Variants in TEX36 observed in about 807,000 individuals in gnomAD.
TEX36 encodes testis expressed 36, also known as testis-expressed protein 36.
Under a neutral mutation model 13.6 loss-of-function variants are expected in TEX36, and 12 were observed. The observed-to-expected ratio is 0.88, with a 90% CI of 0.56 to 1.43. The LOEUF (loss-of-function observed/expected upper bound fraction) is 1.43. TEX36 is among the 40% of genes most tolerant of loss of function. The pLI, the probability that TEX36 is intolerant of heterozygous loss-of-function variation, is 0.00. For synonymous variants in TEX36, 93 were observed against 83.0 expected (o/e 1.12, Z -0.65); for missense variants, 224 against 228.3 (o/e 0.98, Z 0.12).
chr10:125,646,231 G>C (rs986272173), intron 3 of TEX36, among the ~76,000 whole-genome samples: 8 of 152,048 alleles, frequency 5.3e-5, no homozygotes, highest in African/African-American at 1.9e-4. Context: ...GAGGCTGAGC[G>C]GGGAGGATCA....
At chr10:125,673,001 A>C (rs1847257348) in intron 1 of TEX36, among the ~76,000 whole-genome samples, 1 of 151,806 alleles carries the variant, frequency 6.6e-6, no homozygotes, top group Non-Finnish European at 1.5e-5. Flanking sequence ...TCATCTCTTT[A>C]TTTTGAGGCT....
chr10:125,623,062 C>T (rs997848485), intron 3 of TEX36, among the ~76,000 whole-genome samples: 1 of 152,104 alleles, frequency 6.6e-6, no homozygotes, highest in African/African-American at 2.4e-5. Context: ...GATTCCTGGA[C>T]CTGTGAATCT....
At chr10:125,660,862 AT>A (rs137862839) in intron 3 of TEX36, among the ~76,000 whole-genome samples, 158 bp downstream of exon 3, 3,500 of 149,554 alleles carry the variant, frequency 0.023, 109 homozygotes, top group African/African-American at 0.075. Context: ...AGCTTTGAAC[AT>A]TTTTTTTTTA....
intron 3 of TEX36, among the ~76,000 whole-genome samples, chr10:125,599,047 A>G (rs1272153552): frequency 6.6e-6 from 1 of 152,082 alleles, no homozygotes; most frequent in East Asian, 1.9e-4. Context: ...GCCTTCTGCT[A>G]CCTGAAGAGT....
chr10:125,615,999 G>T (rs1174349933), intron 3 of TEX36, among the ~76,000 whole-genome samples: 1 of 151,998 alleles, frequency 6.6e-6, no homozygotes, highest in African/African-American at 2.4e-5. Flanking sequence ...ACTTCTTCCT[G>T]GTTTAGTCTT....
At chr10:125,668,073 G>A (rs925338713) in intron 1 of TEX36, 1 of 616,732 alleles carries the variant, frequency 1.6e-6, no homozygotes, top group Admixed American at 2.7e-5. Flanking sequence ...ATAACTGAGA[G>A]TCTGTGGACA....
At chr10:125,679,444 A>G (rs1020007059) in intron 1 of TEX36, among the ~76,000 whole-genome samples, 2 of 152,134 alleles carry the variant, frequency 1.3e-5, no homozygotes, top group African/African-American at 4.8e-5. Flanking sequence ...TCAGAAAGGA[A>G]CCCAGCATGA....
intron 3 of TEX36, among the ~76,000 whole-genome samples, chr10:125,646,144 A>G (rs1565182726): frequency 6.6e-6 from 1 of 152,156 alleles, no homozygotes; most frequent in Non-Finnish European, 1.5e-5. Context: ...TCTGGGCAAC[A>G]TGGTGAAACC....
rs77774010 is a variant in TEX36 at position 125,576,858 on chromosome 10, G to A, written c.281C>T (p.Thr94Met). The change falls in exon 4 of 4, where the codon ACG becomes ATG. Residue 94 changes from threonine (T) to methionine (M), a missense_variant. Transcript: ENST00000532135. Reference sequence around the variant, plus strand: ...CTTGTCTGGTTCTCCCTGTGGGTCCGTTGCTGTCATTCTTTCCTGTGAGGA... The same window carrying A: ...CTTGTCTGGTTCTCCCTGTGGGTCCATTGCTGTCATTCTTTCCTGTGAGGA... The A allele has an allele frequency of 9.6e-3, 14,708 of 1,536,056 alleles. 87 individuals are homozygous for A. The highest frequency in any genetic ancestry group is 0.015 in the Middle Eastern group (87 of 5,986).
chr10:125,675,884 T>C (rs1418661290), intron 1 of TEX36, among the ~76,000 whole-genome samples: 1 of 152,218 alleles, frequency 6.6e-6, no homozygotes, highest in Admixed American at 6.5e-5. Flanking sequence ...CCAGGGGTCA[T>C]TCAGGAGCAT....
Position 125,590,113 on chromosome 10 carries a change from C to CT in TEX36, c.265-13240dup, listed in dbSNP as rs200277942. Among the ~76,000 whole-genome samples the CT allele has an allele frequency of 7.9e-5, 12 of 151,434 alleles. No homozygotes were observed. In the East Asian group the frequency reaches 1.4e-3, roughly 17 times the overall value. On this transcript the variant is annotated intron_variant, in intron 3 of 3. Coordinates refer to the TEX36 transcript ENST00000532135. ...TCTCTCAGCCTCATTCTCTCTCTCA[C>CT]TTTTTTTTTGTTTTAATTTGAGACA...
chr10:125,613,245 ATTTATTTAT>A (rs1846313181), intron 3 of TEX36, among the ~76,000 whole-genome samples: 3 of 10,876 alleles, frequency 2.8e-4, no homozygotes, highest in African/African-American at 9.1e-3. Context: ...GACATCTTTT[ATTTATTTAT>A]TTATTTATTT....
intron 3 of TEX36, among the ~76,000 whole-genome samples, chr10:125,605,817 G>A (rs911527957): frequency 6.6e-6 from 1 of 152,154 alleles, no homozygotes; most frequent in Non-Finnish European, 1.5e-5. Flanking sequence ...GGCCAGGCTG[G>A]TCTCGAACTC....
Position 125,661,028 on chromosome 10 carries a change from A to G in TEX36, c.257T>C (p.Leu86Pro), listed in dbSNP as rs1565187473. The change falls in exon 3 of 4, where the codon CTT becomes CCT. Residue 86 changes from leucine (L) to proline (P), a missense_variant. Coordinates refer to ENST00000368821, the MANE Select transcript of TEX36 (RefSeq NM_001128202.3). ...RHSLENSGCY[L>P]DSGLGRKKIS... ...TTGGAAAGAAATACTCACGGAGTCA[A>G]GGTAGCATCCAGAGTTCTCCAAGCT... 1 of 1,551,402 alleles carries G rather than the reference A, an allele frequency of 6.4e-7. No homozygotes were observed. Among genetic ancestry groups the G allele is most frequent in the Admixed American group, 2.0e-5 (1 of 51,008 alleles).
At chr10:125,604,846 G>T (rs1169864922) in intron 3 of TEX36, among the ~76,000 whole-genome samples, 1 of 151,602 alleles carries the variant, frequency 6.6e-6, no homozygotes, top group Non-Finnish European at 1.5e-5. Flanking sequence ...AATGCCTGAT[G>T]ATCTGTCACT....
At chr10:125,626,447 T>C (rs297245) in intron 3 of TEX36, among the ~76,000 whole-genome samples, 33,795 of 152,178 alleles carry the variant, frequency 0.22, 5,964 homozygotes, top group African/African-American at 0.48. Flanking sequence ...CTTTCATGCA[T>C]GTTATCTCAT....
intron 1 of TEX36, chr10:125,667,967 A>T: frequency 1.1e-6 from 1 of 887,022 alleles, no homozygotes; most frequent in South Asian, 1.3e-5. Flanking sequence ...GGTGGTGGCA[A>T]GTTCCAGTGC....
At chr10:125,620,579 T>G (rs1846418373), downstream of TEX36, among the ~76,000 whole-genome samples, 1 of 152,224 alleles carries the variant, frequency 6.6e-6, no homozygotes, top group South Asian at 2.1e-4. Flanking sequence ...CTGGAGCCAG[T>G]GACAGTTGCT....
chr10:125,604,286 C>T (rs1380298258), intron 3 of TEX36, among the ~76,000 whole-genome samples: 1 of 152,150 alleles, frequency 6.6e-6, no homozygotes. Context: ...GCCTGAGCTC[C>T]CTGCCCCCTG....
Sources: allele counts gnomAD v4.1 joint callset (sites outside exome capture counted in the v4.1 genomes callset), GRCh38; gene constraint gnomAD v4.1.1; transcripts MANE v1.5; gene names NCBI Gene and HGNC (gene_info 2026-07-23, HGNC 2026-07-21).